SNRNP40: variants seen among roughly 807,000 people sequenced by gnomAD.
The protein encoded by SNRNP40 is small nuclear ribonucleoprotein U5 subunit 40, also known as U5 small nuclear ribonucleoprotein 40 kDa protein.
A neutral mutation model predicts 45.8 loss-of-function variants in SNRNP40; 21 were observed. That is an observed-to-expected ratio of 0.46 (90% CI 0.32 to 0.66). The LOEUF (loss-of-function observed/expected upper bound fraction) is 0.66, where lower values mean the gene tolerates loss of function less well. Among genes scored for constraint, SNRNP40 ranks in the 30% least tolerant of loss-of-function variants. The probability of loss-of-function intolerance (pLI) is 0.03; values close to 1 mark genes in which losing one functional copy is unlikely to be tolerated. For missense variants in SNRNP40, 344 were observed against 439.1 expected, an observed-to-expected ratio of 0.78 and a Z score of 1.94; for synonymous variants, 142 against 163.8, an observed-to-expected ratio of 0.87 and a Z score of 1.01.
rs755656646 is a variant in SNRNP40, at chr1:31,293,337, T to C, written c.153A>G (p.Arg51=). ...TGATTGGGGCTTGAAGGGAGGAACATCTTGGAGGTCCCTAAACAAAAGAGA... is the reference window on the plus strand; with the variant it reads ...TGATTGGGGCTTGAAGGGAGGAACACCTTGGAGGTCCCTAAACAAAAGAGA... ...PGALLQAGPP[R]CSSLQAPIML... Residue 51 remains arginine, a synonymous_variant, in exon 2 of 10, where the codon AGA becomes AGG. Transcript: ENST00000263694. 21 of 1,608,810 alleles carry C rather than the reference T, an allele frequency of 1.3e-5. No homozygotes were observed. The South Asian group carries it at 1.9e-4, about 14-fold the overall frequency.
At chr1:31,269,342 T>C in intron 6 of SNRNP40, 102 bp from the exon 7 acceptor site, 3 of 1,542,520 alleles carry the variant, frequency 1.9e-6, no homozygotes, top group Non-Finnish European at 2.6e-6. Flanking sequence ...CAATGGCAGA[T>C]GCTGTTTCCT....
chr1:31,263,326 T>C (rs1201377166), intron 8 of SNRNP40: 1 of 150,030 alleles, frequency 6.7e-6, no homozygotes. Context: ...AGAATCTTTT[T>C]GTTTTTCTCA....
chr1:31,277,974 C>T (rs535860053), intron 5 of SNRNP40, among the ~76,000 whole-genome samples: 7 of 152,300 alleles, frequency 4.6e-5, no homozygotes, highest in South Asian at 2.1e-4. Flanking sequence ...GGATTACAGG[C>T]GTGAGCCAAC....
intron 7 of SNRNP40, 147 bp downstream of exon 7, chr1:31,269,011 A>AT: frequency 1.4e-6 from 1 of 707,206 alleles, no homozygotes; most frequent in Non-Finnish European, 2.2e-6. Flanking sequence ...TATCCGTTTT[A>AT]TTTTTGGCAA....
chr1:31,267,894 T>C lies in SNRNP40; in HGVS notation c.897A>G (p.Lys299=). ...LRCSWSPDGS[K]IAAGSADRFV... is the part of the protein sequence containing the mutation. ...ACCTGTCGGCTGAGCCAGCTGCTAT[T>C]TTGCTTCCATCAGGTGACCAAGAAC... is the stretch of plus-strand genomic sequence containing the variant. The change falls in exon 8 of 10, where the codon AAA becomes AAG. Residue 299 remains lysine, a synonymous_variant. Coordinates refer to ENST00000263694, the MANE Select transcript of SNRNP40 (RefSeq NM_004814.3). 1 of 1,613,472 alleles carries C rather than the reference T, an allele frequency of 6.2e-7. No individual in the cohort carries two copies. Among genetic ancestry groups the C allele is most frequent in the Admixed American group, 1.7e-5 (1 of 59,998 alleles).
At chr1:31,291,041 CA>C (rs1179062138) in intron 3 of SNRNP40, among the ~76,000 whole-genome samples, 2 of 152,030 alleles carry the variant, frequency 1.3e-5, no homozygotes, top group African/African-American at 2.4e-5. Context: ...GTAATCCCAG[CA>C]CTTTGGGAGG....
chr1:31,260,178 T>C (rs1028087633), intron 9 of SNRNP40, 57 bp from the exon 10 acceptor site: 13 of 1,272,840 alleles, frequency 1.0e-5, no homozygotes, highest in Non-Finnish European at 1.4e-5. Flanking sequence ...GACTTGGTGC[T>C]CAAGGGCTCT....
chr1:31,264,639 A>G (rs776564283), intron 8 of SNRNP40, among the ~76,000 whole-genome samples: 34 of 152,242 alleles, frequency 2.2e-4, no homozygotes, highest in Non-Finnish European at 3.7e-4. Context: ...TATTGTTATT[A>G]TAAGTACACT....
chr1:31,291,871 A>G (rs1011982043), intron 3 of SNRNP40, 42 bp downstream of exon 3: 1 of 1,369,370 alleles, frequency 7.3e-7, no homozygotes, highest in Non-Finnish European at 1.0e-6. Flanking sequence ...GACGCCAAGA[A>G]TTAGTATGAG....
intron 1 of SNRNP40, among the ~76,000 whole-genome samples, chr1:31,295,202 A>G (rs760606514): frequency 6.6e-6 from 1 of 151,976 alleles, no homozygotes; most frequent in Non-Finnish European, 1.5e-5. Flanking sequence ...CTGTCTCTAC[A>G]AAAAAATACA....
intron 8 of SNRNP40, among the ~76,000 whole-genome samples, chr1:31,267,538 GTT>G (rs904169245): frequency 6.7e-6 from 1 of 148,620 alleles, no homozygotes; most frequent in Admixed American, 6.7e-5. Flanking sequence ...CTATATCATT[GTT>G]TTTTTTTTGG....
At position 31,261,562 on chromosome 1, in the gene SNRNP40, T is replaced by C; in HGVS notation, c.991A>G (p.Asn331Asp). 1.9e-6 allele frequency: 3 copies of C among 1,613,972 alleles called. No individual in the cohort carries two copies. The highest frequency in any genetic ancestry group is 2.5e-6 in the Non-Finnish European group (3 of 1,179,908). The stretch of plus-strand genomic sequence containing the variant: ...TCATCAGGGTGGAAAGCCACTTCAT[T>C]GATGGAGCCAGCATGGCCGGGCAGC... ...YKLPGHAGSI[N>D]EVAFHPDEPI... is the part of the protein sequence containing the mutation. Residue 331 changes from asparagine (N) to aspartate (D), a missense_variant, in exon 9 of 10, where the codon AAT (asparagine) becomes GAT (aspartate). Around this residue, in one of 2 missense-constraint regions of SNRNP40, gnomAD observed 254 missense variants for 380.2 expected, o/e 0.67. Transcript: ENST00000263694.
chr1:31,263,572 G>A, intron 8 of SNRNP40: 1 of 454,580 alleles, frequency 2.2e-6, no homozygotes, highest in Non-Finnish European at 4.3e-6. Context: ...TTATCAAACT[G>A]AAGTAAAACT....
intron 8 of SNRNP40, among the ~76,000 whole-genome samples, chr1:31,265,251 A>C (rs567725295): frequency 1.3e-5 from 2 of 152,142 alleles, no homozygotes; most frequent in South Asian, 2.1e-4. Context: ...CAGCCTACCA[A>C]GTAGCTGGGA....
At chr1:31,296,562 G>C (rs368912864) in intron 1 of SNRNP40, 49 bp downstream of exon 1, 17 of 1,568,284 alleles carry the variant, frequency 1.1e-5, no homozygotes, top group East Asian at 2.3e-5. Context: ...AGCGCTCTGA[G>C]GGGAGGAAGA....
At chr1:31,278,263 TA>T (rs1049872877) in intron 5 of SNRNP40, among the ~76,000 whole-genome samples, 2 of 152,304 alleles carry the variant, frequency 1.3e-5, no homozygotes, top group South Asian at 2.1e-4. Flanking sequence ...ACAGTCCAGA[TA>T]AAGAGCCCAA....
At chr1:31,274,112 C>T (rs1460017753) in intron 5 of SNRNP40, among the ~76,000 whole-genome samples, 1 of 151,994 alleles carries the variant, frequency 6.6e-6, no homozygotes, top group Non-Finnish European at 1.5e-5. Flanking sequence ...CAGGCAGAGG[C>T]CAGCTCATGA....
At chr1:31,285,832 T>G (rs1646053717) in intron 4 of SNRNP40, among the ~76,000 whole-genome samples, 1 of 152,182 alleles carries the variant, frequency 6.6e-6, no homozygotes. Flanking sequence ...TTATGTTTCC[T>G]CTTGATTAGA....
chr1:31,268,286 G>GGT (rs1645913435), intron 7 of SNRNP40, among the ~76,000 whole-genome samples: 1 of 117,630 alleles, frequency 8.5e-6, no homozygotes, highest in African/African-American at 3.0e-5. Context: ...TAAATTTTGG[G>GGT]TTTTTTTTTT....
Sources: gnomAD v4.1 joint callset for allele counts (sites outside exome capture counted in the v4.1 genomes callset) on GRCh38, gnomAD v4.1.1 for gene constraint, gnomAD v4.1.1 regional missense constraint, MANE v1.5 for transcripts, NCBI Gene and HGNC (gene_info 2026-07-23, HGNC 2026-07-21) for gene names.